CTTNBP2: variants seen among roughly 807,000 people sequenced by gnomAD.
CTTNBP2 encodes cortactin-binding protein 2.
Under a neutral mutation model 156.9 loss-of-function variants are expected in CTTNBP2, and 108 were observed. The observed-to-expected ratio is 0.69, with a 90% confidence interval of 0.59 to 0.81. The LOEUF (loss-of-function observed/expected upper bound fraction) is 0.81. Ranked by LOEUF, CTTNBP2 falls within the 30% of genes least tolerant of loss-of-function variation. The pLI is 0.00. For synonymous variants in CTTNBP2, 767 were observed against 751.8 expected (o/e 1.02, Z -0.33); for missense variants, 1,924 against 2,035.4 (o/e 0.95, Z 1.05).
chr7:117,775,484 T>C (rs570604437), intron 8 of CTTNBP2, among the ~76,000 whole-genome samples: 3 of 151,618 alleles, frequency 2.0e-5, no homozygotes, highest in Non-Finnish European at 2.9e-5. Context: ...TGCCCTACAC[T>C]GAAGGGTAAC....
chr7:117,842,699 C>CA (rs1202404791), intron 2 of CTTNBP2, among the ~76,000 whole-genome samples: 1 of 151,794 alleles, frequency 6.6e-6, no homozygotes, highest in African/African-American at 2.4e-5. Context: ...CACCTAAAAT[C>CA]AAAAAATGGG....
Position 117,728,122 on chromosome 7 carries a change from G to A in CTTNBP2, c.4022C>T (p.Pro1341Leu). The A allele has an allele frequency of 6.2e-7, 1 of 1,614,124 alleles. No individual in the cohort carries two copies. The highest frequency in any genetic ancestry group is 8.5e-7 in the Non-Finnish European group (1 of 1,180,006). ...LLGPKYFLSC[P>L]VVPGHAQVTV... Reference sequence around the variant, plus strand: ...CACTTGGGCATGCCCAGGAACTACAGGACAAGACAGGAAATATTTTGGTCC... The same window carrying A: ...CACTTGGGCATGCCCAGGAACTACAAGACAAGACAGGAAATATTTTGGTCC... Residue 1341 changes from proline (P) to leucine (L), a missense_variant, in exon 17 of 23, where the codon CCT becomes CTT. Transcript: ENST00000160373.
rs772326680 is a variant in CTTNBP2, at chr7:117,718,030, T to G, written c.4734A>C (p.Pro1578=). 1.9e-6 allele frequency: 3 copies of G among 1,604,634 alleles called. No individual in the cohort carries two copies. Among genetic ancestry groups the G allele is most frequent in the African/African-American group, 2.7e-5 (2 of 74,754 alleles). Residue 1578 remains proline (P), a synonymous_variant, in exon 22 of 23, where the codon CCA becomes CCC. Coordinates refer to ENST00000160373, the MANE Select transcript of CTTNBP2 (RefSeq NM_033427.3). ...AAGGGACACTTACCTTTTGTGACAC[T>G]GGCATTCTCAGATTATTAATAGTTG... ...LSATINNLRM[P]VSQKEVSPLS...
chr7:117,784,317 C>A lies in CTTNBP2; in HGVS notation c.2206G>T (p.Asp736Tyr). 6.2e-7 allele frequency: 1 copy of A among 1,613,950 alleles called. No individual in the cohort carries two copies. The highest frequency in any genetic ancestry group is 8.5e-7 in the Non-Finnish European group (1 of 1,179,954). Residue 736 changes from aspartate to tyrosine, a missense_variant, in exon 5 of 23, where the codon GAC becomes TAC. Asp to Tyr is a radical substitution (Grantham distance 160). Coordinates refer to ENST00000160373, the MANE Select transcript of CTTNBP2 (RefSeq NM_033427.3). ...CCATCTTCACAGGAGTAATTAATGT[C>A]CAGTCCTTCTTCATTAAGCAGCATT... The part of the protein sequence containing the change: ...LSMLLNEEGL[D>Y]INYSCEDGHS...
chr7:117,719,979 T>C (rs188761849), intron 20 of CTTNBP2, among the ~76,000 whole-genome samples: 6 of 152,276 alleles, frequency 3.9e-5, no homozygotes, highest in Admixed American at 6.5e-5. Context: ...CAAACACGGA[T>C]TTCAAACTTG....
intron 1 of CTTNBP2, among the ~76,000 whole-genome samples, chr7:117,867,853 T>C (rs750790681): frequency 1.9e-4 from 29 of 152,180 alleles, no homozygotes; most frequent in Non-Finnish European, 3.1e-4. Context: ...CTGGGGTCTT[T>C]GATGCAAGAC....
chr7:117,757,839 C>T (rs1308648000), intron 11 of CTTNBP2, 36 bp downstream of exon 11: 10 of 1,431,106 alleles, frequency 7.0e-6, no homozygotes, highest in Non-Finnish European at 9.6e-6. Context: ...GAAGCAAACA[C>T]TCTTTAAACG....
At chr7:117,785,707 T>C (rs1798671282) in intron 4 of CTTNBP2, among the ~76,000 whole-genome samples, 1 of 152,224 alleles carries the variant, frequency 6.6e-6, no homozygotes, top group Non-Finnish European at 1.5e-5. Context: ...CTATACCATT[T>C]GGATTTTTAA....
At chr7:117,803,423 T>C (rs1459134076) in intron 3 of CTTNBP2, among the ~76,000 whole-genome samples, 2 of 152,130 alleles carry the variant, frequency 1.3e-5, no homozygotes, top group Non-Finnish European at 2.9e-5. Context: ...AAACTACCTA[T>C]TGGGTACTAT....
intron 3 of CTTNBP2, among the ~76,000 whole-genome samples, chr7:117,799,293 TA>T (rs891794850): frequency 1.3e-5 from 2 of 151,568 alleles, no homozygotes; most frequent in African/African-American, 2.4e-5. Flanking sequence ...CACCAATATA[TA>T]AAAAAAGTAA....
chr7:117,789,086 C>T (rs1798855326), intron 4 of CTTNBP2, among the ~76,000 whole-genome samples: 1 of 151,972 alleles, frequency 6.6e-6, no homozygotes, highest in African/African-American at 2.4e-5. Flanking sequence ...TTTACTGAAT[C>T]CTAGGGCAGG....
At position 117,758,667 on chromosome 7, in the gene CTTNBP2, G is replaced by A. The variant is rs147894180; in HGVS notation, c.3173-697C>T. On this transcript the variant is annotated intron_variant, in intron 10 of 22. Transcript: ENST00000160373. Reference sequence around the variant, plus strand: ...TCTGCTGACCTGAAGTTCCTTTCATGTAGCTTAGGTTATGAATCCAGCAAA... The same window carrying A: ...TCTGCTGACCTGAAGTTCCTTTCATATAGCTTAGGTTATGAATCCAGCAAA... 6.2e-4 allele frequency among the ~76,000 whole-genome samples: 94 copies of A among 152,260 alleles called. 3 individuals carry two copies. In the East Asian group the frequency reaches 0.018, roughly 29 times the overall value.
chr7:117,720,038 C>T lies in CTTNBP2; in HGVS notation c.4512-402G>A, dbSNP rs964846333. Among the ~76,000 whole-genome samples, 3 of 152,318 alleles carry T rather than the reference C, an allele frequency of 2.0e-5. No individual in the cohort carries two copies. In the Middle Eastern group the frequency reaches 0.01, roughly 518 times the overall value. ...GACCATGCACCAGGTTTTCTTAACA[C>T]CTCAGTTCCTGGGTTCCCTTTTCTG... On this transcript the variant is annotated intron_variant, in intron 20 of 22. Transcript: ENST00000160373.
At chr7:117,733,147 C>T (rs551782816) in intron 16 of CTTNBP2, among the ~76,000 whole-genome samples, 1 of 152,166 alleles carries the variant, frequency 6.6e-6, no homozygotes, top group African/African-American at 2.4e-5. Context: ...TAAGTGCCCA[C>T]AAAGATTAGG....
intron 2 of CTTNBP2, among the ~76,000 whole-genome samples, chr7:117,853,461 CAT>C (rs919549273): frequency 6.6e-6 from 1 of 152,132 alleles, no homozygotes; most frequent in Non-Finnish European, 1.5e-5. Flanking sequence ...ATAATCAAAA[CAT>C]AGAATTCCTC....
chr7:117,808,959 T>C (rs972629762), intron 3 of CTTNBP2, among the ~76,000 whole-genome samples: 1 of 152,200 alleles, frequency 6.6e-6, no homozygotes, highest in African/African-American at 2.4e-5. Context: ...TAATATTTTT[T>C]AAGGACAAAA....
At chr7:117,765,087 C>T (rs948316425) in intron 9 of CTTNBP2, among the ~76,000 whole-genome samples, 1 of 152,124 alleles carries the variant, frequency 6.6e-6, no homozygotes, top group African/African-American at 2.4e-5. Flanking sequence ...AGGCATATGC[C>T]ACCACGCCCA....
chr7:117,856,984 G>C (rs1428537330), intron 2 of CTTNBP2, among the ~76,000 whole-genome samples: 1 of 152,208 alleles, frequency 6.6e-6, no homozygotes, highest in Non-Finnish European at 1.5e-5. Flanking sequence ...ACGGATTTCT[G>C]TATAAATTGT....
At chr7:117,802,294 T>C (rs1404982260) in intron 3 of CTTNBP2, among the ~76,000 whole-genome samples, 1 of 151,868 alleles carries the variant, frequency 6.6e-6, no homozygotes, top group Non-Finnish European at 1.5e-5. Context: ...AATAGTCCTA[T>C]GCAGAAGAGC....
Sources: allele counts gnomAD v4.1 joint callset (sites outside exome capture counted in the v4.1 genomes callset), GRCh38; gene constraint gnomAD v4.1.1; transcripts MANE v1.5; gene names NCBI Gene and HGNC (gene_info 2026-07-23, HGNC 2026-07-21).